Variants in NME7 observed in about 807,000 individuals in gnomAD.
NME7 encodes NME/NM23 family member 7.
NME7 carries 41 observed loss-of-function variants against 49.1 expected under a neutral mutation model. That is an observed-to-expected ratio of 0.83 (90% confidence interval 0.65 to 1.08). NME7 has a LOEUF of 1.08. Among genes scored for constraint, NME7 ranks in the 50% least tolerant of loss-of-function variants. The pLI is 0.00. For synonymous variants in NME7, 139 were observed against 150.6 expected (o/e 0.92, Z 0.56); for missense variants, 423 against 463.4 (o/e 0.91, Z 0.80).
intron 7 of NME7, among the ~76,000 whole-genome samples, chr1:169,274,183 T>C (rs1427183169): frequency 7.5e-6 from 1 of 133,310 alleles, no homozygotes; most frequent in African/African-American, 2.5e-5. Context: ...TGGTATGTCA[T>C]TGTGGTTTTG....
In NME7 at chr1:169,363,884, T is replaced by C. The variant is rs113626850; in HGVS notation, c.3+3824A>G. On this transcript the variant is annotated intron_variant, in intron 1 of 11. Coordinates refer to ENST00000367811, the MANE Select transcript of NME7 (RefSeq NM_013330.5). Reference sequence around the variant, plus strand: ...AGGAGTGGGAACAGGAGTTCATTCATTGCCCTTAGCATTCCTGGGAAGTTT... The same window carrying C: ...AGGAGTGGGAACAGGAGTTCATTCACTGCCCTTAGCATTCCTGGGAAGTTT... Among the ~76,000 whole-genome samples the C allele has an allele frequency of 6.0e-4, 92 of 152,322 alleles. 1 individual carries two copies. The highest frequency in any genetic ancestry group is 2.2e-3 in the African/African-American group (90 of 41,564).
intron 1 of NME7, among the ~76,000 whole-genome samples, chr1:169,348,084 T>A (rs921893470): frequency 4.6e-5 from 7 of 152,134 alleles, no homozygotes; most frequent in African/African-American, 1.7e-4. Flanking sequence ...ATGGAGAAAA[T>A]ACTGTGTTTA....
intron 11 of NME7, among the ~76,000 whole-genome samples, chr1:169,133,186 T>C (rs1390441950): frequency 2.0e-5 from 3 of 152,226 alleles, no homozygotes; most frequent in Non-Finnish European, 4.4e-5. Context: ...GGTTCAGGGA[T>C]TGGCCTAAGT....
intron 5 of NME7, among the ~76,000 whole-genome samples, chr1:169,299,253 A>C (rs1347257160): frequency 2.7e-5 from 4 of 146,908 alleles, no homozygotes; most frequent in African/African-American, 9.9e-5. Context: ...ATCAATAAAC[A>C]CTGAGCTGGT....
intron 1 of NME7, among the ~76,000 whole-genome samples, chr1:169,325,434 G>T (rs540166867): frequency 6.6e-6 from 1 of 151,940 alleles, no homozygotes; most frequent in Non-Finnish European, 1.5e-5. Context: ...TGTAGTTGGA[G>T]GTCTGTGAAG....
chr1:169,245,130 GAAC>G (rs1239749174), intron 7 of NME7, among the ~76,000 whole-genome samples: 4 of 151,998 alleles, frequency 2.6e-5, no homozygotes, highest in East Asian at 1.9e-4. Context: ...TTCTGTCTCA[GAAC>G]AACAACAACA....
At chr1:169,172,278 T>TAA (rs200984260) in intron 10 of NME7, among the ~76,000 whole-genome samples, 1 of 101,706 alleles carries the variant, frequency 9.8e-6, no homozygotes, top group East Asian at 2.4e-4. Context: ...GTAACAAAAC[T>TAA]AAAAAAAAAC....
At chr1:169,188,154 A>G (rs1023967708) in intron 10 of NME7, among the ~76,000 whole-genome samples, 3 of 152,066 alleles carry the variant, frequency 2.0e-5, no homozygotes, top group African/African-American at 7.2e-5. Context: ...TGGTAACCCG[A>G]CCTTTCTCTC....
At chr1:169,336,987 A>T (rs1652502506) in intron 1 of NME7, among the ~76,000 whole-genome samples, 2 of 152,266 alleles carry the variant, frequency 1.3e-5, no homozygotes, top group South Asian at 4.1e-4. Flanking sequence ...AGGCCCCACC[A>T]GACTCAGGAA....
chr1:169,253,933 A>G (rs986690759), intron 7 of NME7, among the ~76,000 whole-genome samples: 1 of 150,256 alleles, frequency 6.7e-6, no homozygotes, highest in African/African-American at 2.4e-5. Flanking sequence ...ATGGTGGATA[A>G]GCTTTTTGAT....
chr1:169,367,736 A>G lies in NME7; in HGVS notation c.-26T>C, dbSNP rs2101999178. The G allele has an allele frequency of 1.2e-6, 2 of 1,614,030 alleles. No homozygotes were observed. Among genetic ancestry groups the G allele is most frequent in the Non-Finnish European group, 8.5e-7 (1 of 1,179,966 alleles). ...TGTCTCAGGATCTCAGCACTAGAAA[A>G]TAGGTATCGTTGAGACAGGAAGACA... On this transcript the variant is annotated 5_prime_UTR_variant, in exon 1 of 12. Coordinates refer to ENST00000367811, the MANE Select transcript of NME7 (RefSeq NM_013330.5).
intron 11 of NME7, among the ~76,000 whole-genome samples, chr1:169,167,958 G>A (rs1030075903): frequency 1.3e-5 from 2 of 152,162 alleles, no homozygotes; most frequent in South Asian, 2.1e-4. Flanking sequence ...GGAGTGTTGG[G>A]AGACCATCAG....
intron 1 of NME7, among the ~76,000 whole-genome samples, chr1:169,336,225 T>A (rs1455705352): frequency 6.6e-6 from 1 of 151,966 alleles, no homozygotes; most frequent in African/African-American, 2.4e-5. Flanking sequence ...AAGCTGCAGA[T>A]CTTCACGGTG....
intron 9 of NME7, among the ~76,000 whole-genome samples, chr1:169,232,926 T>C (rs1012613297): frequency 1.4e-5 from 2 of 141,716 alleles, no homozygotes; most frequent in Non-Finnish European, 3.1e-5. Flanking sequence ...TTTTTTTTTT[T>C]TTTTTTTTTT....
At chr1:169,223,962 T>G (rs1235198049) in intron 10 of NME7, among the ~76,000 whole-genome samples, 1 of 152,182 alleles carries the variant, frequency 6.6e-6, no homozygotes, top group Non-Finnish European at 1.5e-5. Context: ...TATTTGTATA[T>G]CTCTCCTCTG....
chr1:169,198,381 C>T (rs1660447353), intron 10 of NME7, among the ~76,000 whole-genome samples: 1 of 152,004 alleles, frequency 6.6e-6, no homozygotes. Context: ...TAACTGAAAA[C>T]ATATATTCCC....
At chr1:169,279,736 CCGG>C (rs2101886516) in intron 7 of NME7, among the ~76,000 whole-genome samples, 1 of 152,340 alleles carries the variant, frequency 6.6e-6, no homozygotes, top group Admixed American at 6.5e-5. Context: ...TGAGATGAAC[CCGG>C]TACCTCAGAT....
chr1:169,252,949 G>A lies in NME7; in HGVS notation c.755-15262C>T, dbSNP rs542842421. The stretch of plus-strand genomic sequence containing the variant: ...TCTGTTTTGGTACCAGTACCATGCT[G>A]TTTTGGTTACTGTAGCCTTGTAGTA... On this transcript the variant is annotated intron_variant, in intron 7 of 11. Transcript: ENST00000367811. Among the ~76,000 whole-genome samples, 92 of 149,708 alleles carry A rather than the reference G, an allele frequency of 6.1e-4. No homozygotes were observed. In the East Asian group the frequency reaches 0.016, roughly 25 times the overall value.
chr1:169,220,492 A>G (rs1375897007), intron 10 of NME7, among the ~76,000 whole-genome samples: 1 of 152,080 alleles, frequency 6.6e-6, no homozygotes, highest in Non-Finnish European at 1.5e-5. Context: ...CATCCAACTA[A>G]TATACGACAT....
Sources: allele counts gnomAD v4.1 joint callset (sites outside exome capture counted in the v4.1 genomes callset), GRCh38; gene constraint gnomAD v4.1.1; transcripts MANE v1.5; gene names NCBI Gene and HGNC (gene_info 2026-07-23, HGNC 2026-07-21).